Variants in LRRIQ1 observed in about 807,000 individuals in gnomAD.
LRRIQ1 encodes the protein leucine rich repeats and IQ motif containing 1, also known as leucine-rich repeat- and IQ domain-containing protein 1.
In LRRIQ1, 210 loss-of-function variants were observed where a neutral mutation model predicts 211.9. That is an observed-to-expected ratio of 0.99 (90% confidence interval 0.89 to 1.11). The LOEUF is 1.11. Among genes scored for constraint, LRRIQ1 ranks in the 50% most tolerant of loss-of-function variants. LRRIQ1 has a pLI of 0.00. For synonymous variants in LRRIQ1, 699 were observed against 650.1 expected (o/e 1.08, Z -1.14); for missense variants, 2,136 against 1,939.5 (o/e 1.10, Z -1.90).
At chr12:85,174,556 G>A (rs1891586404) in intron 24 of LRRIQ1, among the ~76,000 whole-genome samples, 1 of 149,984 alleles carries the variant, frequency 6.7e-6, no homozygotes, top group Admixed American at 6.7e-5. Context: ...AAAAAAAATA[G>A]CTGGGCATGC....
intron 1 of LRRIQ1, among the ~76,000 whole-genome samples, chr12:85,251,083 G>A (rs1404341869): frequency 7.0e-6 from 1 of 143,498 alleles, no homozygotes; most frequent in Non-Finnish European, 1.5e-5. Context: ...GTGTATTTAT[G>A]AAGAACGTCT....
chr12:85,242,002 G>A (rs1014042552), intron 26 of LRRIQ1, among the ~76,000 whole-genome samples: 1 of 151,952 alleles, frequency 6.6e-6, no homozygotes, highest in East Asian at 1.9e-4. Context: ...AAATTATAGG[G>A]CGGAAGTGGG....
intron 18 of LRRIQ1, among the ~76,000 whole-genome samples, chr12:85,133,508 T>C (rs1407051730): frequency 6.6e-6 from 1 of 152,128 alleles, no homozygotes; most frequent in Non-Finnish European, 1.5e-5. Context: ...TTACTTCTCC[T>C]GTGGTGAGGT....
chr12:85,197,837 A>T (rs1334249857), intron 24 of LRRIQ1, among the ~76,000 whole-genome samples: 47 of 139,932 alleles, frequency 3.4e-4, no homozygotes, highest in African/African-American at 1.2e-3. Context: ...AAAAATAAAA[A>T]ATATTATATT....
chr12:85,121,130 GAT>G (rs1887952063), intron 15 of LRRIQ1, among the ~76,000 whole-genome samples: 1 of 151,990 alleles, frequency 6.6e-6, no homozygotes, highest in African/African-American at 2.4e-5. Flanking sequence ...ACCAAAAATT[GAT>G]ATAGACTTTT....
intron 6 of LRRIQ1, chr12:85,048,558 C>CAAAAAAAAAAAAA (rs35906760): frequency 1.3e-5 from 1 of 77,956 alleles, no homozygotes; most frequent in African/African-American, 5.3e-5. Context: ...GACTCCGTCT[C>CAAAAAAAAAAAAA]AAAAAAAAAA....
intron 9 of LRRIQ1, 96 bp from the exon 10 acceptor site, chr12:85,066,652 A>C (rs1349823435): frequency 6.8e-6 from 6 of 877,796 alleles, no homozygotes; most frequent in Middle Eastern, 3.3e-4. Flanking sequence ...TAATTTGGAG[A>C]TCCTATCTCA....
At chr12:85,045,078 T>C (rs1349568052) in intron 4 of LRRIQ1, among the ~76,000 whole-genome samples, 1 of 151,966 alleles carries the variant, frequency 6.6e-6, no homozygotes, top group East Asian at 1.9e-4. Context: ...ATAGGAGAAC[T>C]ATATTACACA....
At chr12:85,167,719 A>G (rs1218128348) in intron 24 of LRRIQ1, among the ~76,000 whole-genome samples, 1 of 152,142 alleles carries the variant, frequency 6.6e-6, no homozygotes, top group East Asian at 1.9e-4. Flanking sequence ...ACCCTCACAG[A>G]CACAACCAGG....
Position 85,047,377 on chromosome 12 carries a change from A to T in LRRIQ1, c.585A>T (p.Arg195Ser), listed in dbSNP as rs1207471589. 1 of 1,609,406 alleles carries T rather than the reference A, an allele frequency of 6.2e-7. No individual in the cohort carries two copies. Among genetic ancestry groups the T allele is most frequent in the Non-Finnish European group, 8.5e-7 (1 of 1,176,046 alleles). Residue 195 changes from arginine to serine, a missense_variant, in exon 6 of 27, where the codon AGA becomes AGT. Arg to Ser is a moderately radical substitution (Grantham distance 110). Coordinates refer to ENST00000393217, the MANE Select transcript of LRRIQ1 (RefSeq NM_001079910.2). ...AAACTCTCAAAGCTCAGAGGGATAG[A>T]GAAGAAAAACAATTTCAAGAAGAAG... ...EKQTLKAQRD[R>S]EEKQFQEEEE... is the part of the protein sequence containing the mutation.
chr12:85,235,562 G>A (rs562090794), intron 26 of LRRIQ1, among the ~76,000 whole-genome samples: 7 of 152,282 alleles, frequency 4.6e-5, no homozygotes, highest in African/African-American at 9.6e-5. Context: ...TCAGGAGAAA[G>A]TATGACTTTG....
intron 8 of LRRIQ1, 27 bp from the exon 9 acceptor site, chr12:85,065,235 A>G (rs1040868567): frequency 6.3e-7 from 1 of 1,588,440 alleles, no homozygotes; most frequent in African/African-American, 1.4e-5. Flanking sequence ...ATAACACTAC[A>G]CACTCCAATT....
At chr12:85,131,062 A>T (rs1888718487) in intron 18 of LRRIQ1, among the ~76,000 whole-genome samples, 1 of 151,686 alleles carries the variant, frequency 6.6e-6, no homozygotes, top group Admixed American at 6.6e-5. Flanking sequence ...AAAAAAAAAA[A>T]AAAATTAGCC....
At chr12:85,080,438 A>T (rs1250740349) in intron 11 of LRRIQ1, among the ~76,000 whole-genome samples, 1 of 151,472 alleles carries the variant, frequency 6.6e-6, no homozygotes, top group African/African-American at 2.4e-5. Flanking sequence ...TAATATATTT[A>T]ATGTCTTTTA....
At chr12:85,190,347 A>G (rs1243560567) in intron 24 of LRRIQ1, among the ~76,000 whole-genome samples, 3 of 136,462 alleles carry the variant, frequency 2.2e-5, no homozygotes, top group African/African-American at 5.3e-5. Context: ...AATTACATAA[A>G]TTATTAACTG....
chr12:85,094,595 G>A (rs1437190568), intron 11 of LRRIQ1, among the ~76,000 whole-genome samples: 1 of 151,732 alleles, frequency 6.6e-6, no homozygotes, highest in Non-Finnish European at 1.5e-5. Context: ...TGTCTATATG[G>A]TCTTTTTTAT....
At chr12:85,220,079 G>T (rs1894326215) in intron 24 of LRRIQ1, among the ~76,000 whole-genome samples, 1 of 152,008 alleles carries the variant, frequency 6.6e-6, no homozygotes, top group Non-Finnish European at 1.5e-5. Flanking sequence ...CAAAATTTTA[G>T]TATTGCCGAC....
At chr12:85,218,898 T>C (rs1321933481) in intron 24 of LRRIQ1, among the ~76,000 whole-genome samples, 1 of 152,186 alleles carries the variant, frequency 6.6e-6, no homozygotes, top group Admixed American at 6.5e-5. Flanking sequence ...TTACTAATCC[T>C]GTTATTTAAA....
At chr12:85,233,894 T>C (rs1347874705) in intron 26 of LRRIQ1, among the ~76,000 whole-genome samples, 1 of 152,110 alleles carries the variant, frequency 6.6e-6, no homozygotes, top group African/African-American at 2.4e-5. Flanking sequence ...AGAGCAAGAA[T>C]TGAGATCATA....
Sources: allele counts gnomAD v4.1 joint callset (sites outside exome capture counted in the v4.1 genomes callset), GRCh38; gene constraint gnomAD v4.1.1; transcripts MANE v1.5; gene names NCBI Gene and HGNC (gene_info 2026-07-23, HGNC 2026-07-21).